Variants in GRAMD1B observed in about 807,000 individuals in gnomAD.
The protein encoded by GRAMD1B is protein Aster-B.
GRAMD1B carries 37 observed loss-of-function variants against 99.7 expected under a neutral mutation model. The observed-to-expected ratio is 0.37, with a 90% confidence interval of 0.29 to 0.49. The LOEUF (loss-of-function observed/expected upper bound fraction) is 0.49. Ranked by LOEUF, GRAMD1B falls within the 20% of genes least tolerant of loss-of-function variation. The pLI is 0.98. For synonymous variants in GRAMD1B, 427 were observed against 387.6 expected (o/e 1.10, Z -1.19); for missense variants, 888 against 1,009.2 (o/e 0.88, Z 1.63).
intron 17 of GRAMD1B, among the ~76,000 whole-genome samples, chr11:123,615,387 A>C (rs945825558): frequency 6.6e-6 from 1 of 152,264 alleles, no homozygotes. Context: ...AGTAACTTGC[A>C]TAGAAAGATG....
intron 2 of GRAMD1B, among the ~76,000 whole-genome samples, chr11:123,502,816 A>C (rs1940012278): frequency 1.3e-5 from 2 of 151,598 alleles, no homozygotes; most frequent in Admixed American, 6.6e-5. Context: ...AAGAAAATGC[A>C]CTTAATATAC....
chr11:123,472,444 G>A (rs1165203591), intron 1 of GRAMD1B, among the ~76,000 whole-genome samples: 1 of 152,006 alleles, frequency 6.6e-6, no homozygotes, highest in Non-Finnish European at 1.5e-5. Context: ...CGGCCTCCCC[G>A]GTGAAGCAGC....
chr11:123,574,669 G>A (rs896580249), intron 2 of GRAMD1B, among the ~76,000 whole-genome samples: 3 of 152,178 alleles, frequency 2.0e-5, no homozygotes, highest in African/African-American at 7.2e-5. Context: ...AGGTCTGGGA[G>A]GAAAGATGTC....
In GRAMD1B at chr11:123,477,802, TCTCA is replaced by T. The variant is rs1359056788; in HGVS notation, c.375-3010_375-3007del. Among the ~76,000 whole-genome samples, 3 of 145,250 alleles carry T rather than the reference TCTCA, an allele frequency of 2.1e-5. No homozygotes were observed. In the Admixed American group the frequency reaches 2.1e-4, roughly 10 times the overall value. On this transcript the variant is annotated intron_variant, in intron 1 of 19. Transcript: ENST00000635736. ...CTCTTTTTTTGTTTTTCAGATGGAG[TCTCA>T]CTCTGTCGCCCAGGCTGGAGTGTAG...
intron 2 of GRAMD1B, among the ~76,000 whole-genome samples, chr11:123,525,298 C>A (rs911426599): frequency 1.3e-5 from 2 of 152,184 alleles, no homozygotes; most frequent in Non-Finnish European, 2.9e-5. Flanking sequence ...CCCCGCCTTG[C>A]GGGGTGAGGG....
intron 1 of GRAMD1B, among the ~76,000 whole-genome samples, chr11:123,361,128 T>C (rs920589455): frequency 6.6e-6 from 1 of 152,160 alleles, no homozygotes; most frequent in South Asian, 2.1e-4. Context: ...AATCACATCC[T>C]TCTAAGGAGA....
intron 1 of GRAMD1B, among the ~76,000 whole-genome samples, chr11:123,466,232 C>T (rs192353225): frequency 8.0e-5 from 12 of 150,682 alleles, no homozygotes; most frequent in Non-Finnish European, 1.5e-4. Context: ...GCCAGGATTA[C>T]AGCACTGCAC....
chr11:123,465,334 A>T (rs1591611043), intron 1 of GRAMD1B, among the ~76,000 whole-genome samples: 1 of 152,158 alleles, frequency 6.6e-6, no homozygotes, highest in Non-Finnish European at 1.5e-5. Flanking sequence ...CCTAACAGAA[A>T]CCACACGTAC....
intron 2 of GRAMD1B, among the ~76,000 whole-genome samples, chr11:123,575,448 G>T (rs926264952): frequency 4.6e-5 from 7 of 152,124 alleles, no homozygotes; most frequent in African/African-American, 1.7e-4. Flanking sequence ...CTCCCAAGTA[G>T]CTGGGATTAC....
chr11:123,392,759 C>T (rs901108064), intron 1 of GRAMD1B, among the ~76,000 whole-genome samples: 33 of 152,152 alleles, frequency 2.2e-4, no homozygotes, highest in African/African-American at 7.5e-4. Context: ...CTAGTTCATA[C>T]TACTGACTAA....
intron 2 of GRAMD1B, among the ~76,000 whole-genome samples, chr11:123,553,057 G>A (rs1377128541): frequency 6.6e-6 from 1 of 152,160 alleles, no homozygotes; most frequent in African/African-American, 2.4e-5. Flanking sequence ...CAATCACTTG[G>A]AGATCCTTCA....
At chr11:123,366,210 G>T (rs1946315663) in intron 1 of GRAMD1B, among the ~76,000 whole-genome samples, 1 of 152,198 alleles carries the variant, frequency 6.6e-6, no homozygotes. Context: ...AGGTAAAAAG[G>T]CTGTGCTGAT....
rs1177802477 is a variant in GRAMD1B, at chr11:123,495,299, T to C, written c.452+14406T>C. Among the ~76,000 whole-genome samples the C allele has an allele frequency of 2.0e-5, 3 of 152,178 alleles. No individual in the cohort carries two copies. In the South Asian group the frequency reaches 6.2e-4, roughly 31 times the overall value. ...TAAAAAATTAAAAAAATTCCATGGA[T>C]ACATAGTAGGTGTATATGTTTATGG... On this transcript the variant is annotated intron_variant, in intron 2 of 19. Transcript: ENST00000635736.
chr11:123,611,777 C>A (rs909926728), intron 14 of GRAMD1B, among the ~76,000 whole-genome samples: 7 of 150,468 alleles, frequency 4.7e-5, no homozygotes, highest in African/African-American at 7.3e-5. Context: ...CAAGTACAGG[C>A]ATTCTCCCAT....
intron 1 of GRAMD1B, among the ~76,000 whole-genome samples, chr11:123,475,202 G>A (rs1031007674): frequency 1.4e-4 from 22 of 152,326 alleles, no homozygotes; most frequent in African/African-American, 5.1e-4. Flanking sequence ...CTGGAATCAT[G>A]AGAATTTGCC....
chr11:123,591,314 G>C lies in GRAMD1B; in HGVS notation c.685-2768G>C, dbSNP rs1950621104. On this transcript the variant is annotated intron_variant, in intron 4 of 19. Coordinates refer to ENST00000635736, the MANE Select transcript of GRAMD1B (RefSeq NM_001387025.1). The surrounding 1 kb of genome is among the most constrained non-coding windows in gnomAD (Gnocchi z 4.7). ...TCCACAGTCAAGCCAGGGGAGACCAGTTGTTTTCATCGTGTGGGGACAGTC... is the reference window on the plus strand; with the variant it reads ...TCCACAGTCAAGCCAGGGGAGACCACTTGTTTTCATCGTGTGGGGACAGTC... The C allele has an allele frequency of 2.5e-6, 1 of 398,142 alleles. No homozygotes were observed. The highest frequency in any genetic ancestry group is 2.1e-5 in the African/African-American group (1 of 48,762). 24.7% of individuals were successfully genotyped at this position (398,142 alleles called of 1,614,324 possible). A position where few individuals can be genotyped will look rare whatever the true frequency, so the allele number is the denominator to read the frequency against.
intron 2 of GRAMD1B, among the ~76,000 whole-genome samples, chr11:123,508,985 G>A (rs747021236): frequency 4.6e-5 from 7 of 152,164 alleles, no homozygotes; most frequent in Middle Eastern, 3.4e-3. Flanking sequence ...GTGCCTGGCC[G>A]TGCCTTCTTT....
At chr11:123,559,529 A>T in intron 2 of GRAMD1B, 1 of 200,318 alleles carries the variant, frequency 5.0e-6, no homozygotes, top group Non-Finnish European at 8.9e-6. Flanking sequence ...AAATATTATT[A>T]ATATCGTTGC....
intron 1 of GRAMD1B, among the ~76,000 whole-genome samples, chr11:123,411,247 G>A (rs1270657704): frequency 2.0e-5 from 3 of 151,768 alleles, no homozygotes; most frequent in Non-Finnish European, 2.9e-5. Flanking sequence ...CTCGTGATCC[G>A]CCCCCCTCAG....
Sources: allele counts gnomAD v4.1 joint callset (sites outside exome capture counted in the v4.1 genomes callset), GRCh38; gene constraint gnomAD v4.1.1; non-coding constraint Gnocchi (gnomAD v3.1); transcripts MANE v1.5; gene names NCBI Gene and HGNC (gene_info 2026-07-23, HGNC 2026-07-21).